Variants in ITCH observed in about 807,000 individuals in gnomAD.
ITCH encodes itchy E3 ubiquitin protein ligase.
Under a neutral mutation model 126.8 loss-of-function variants are expected in ITCH, and 28 were observed. The ratio of observed to expected loss-of-function variants is 0.22; its 90% CI spans 0.16 to 0.30. The LOEUF is 0.30. ITCH is among the 10% of genes least tolerant of loss of function. ITCH has a pLI of 1.00. For synonymous variants in ITCH, 342 were observed against 340.0 expected (o/e 1.01, Z -0.06); for missense variants, 631 against 1,032.4 (o/e 0.61, Z 5.33).
intron 16 of ITCH, among the ~76,000 whole-genome samples, chr20:34,473,493 C>A (rs779498167): frequency 2.0e-5 from 3 of 152,210 alleles, no homozygotes; most frequent in Non-Finnish European, 4.4e-5. Flanking sequence ...GGCTGTGCGA[C>A]CTGTCAGCCT....
At chr20:34,471,706 G>A (rs1193267679) in intron 16 of ITCH, among the ~76,000 whole-genome samples, 191 bp downstream of exon 16, 1 of 149,030 alleles carries the variant, frequency 6.7e-6, no homozygotes, top group African/African-American at 2.5e-5. Flanking sequence ...GTGTGTGTGT[G>A]TGTGTGTGTT....
At chr20:34,458,343 G>A (rs1986213502) in intron 13 of ITCH, among the ~76,000 whole-genome samples, 2 of 152,096 alleles carry the variant, frequency 1.3e-5, no homozygotes, top group South Asian at 2.1e-4. Context: ...AGAGATATAT[G>A]TACATTATCA....
intron 15 of ITCH, 22 bp downstream of exon 15, chr20:34,470,142 C>T: frequency 6.4e-7 from 1 of 1,566,162 alleles, no homozygotes; most frequent in Non-Finnish European, 8.7e-7. Flanking sequence ...AACTGTATCT[C>T]TGTACTGCCT....
chr20:34,501,493 G>A (rs2146554220), intron 23 of ITCH, among the ~76,000 whole-genome samples: 1 of 152,270 alleles, frequency 6.6e-6, no homozygotes, highest in South Asian at 2.1e-4. Context: ...AGTACTGGAA[G>A]GGCTGAGTGC....
At position 34,430,635 on chromosome 20, in the gene ITCH, G is replaced by A. The variant is rs1982161060; in HGVS notation, c.521+6110G>A. On this transcript the variant is annotated intron_variant, in intron 7 of 24. Coordinates refer to ENST00000374864, the MANE Select transcript of ITCH (RefSeq NM_031483.7). Reference sequence around the variant, plus strand: ...TTACATGCGTGCACCACTAGACTTGGCTAATTTTTTGTATTTTTAGTAGAG... The same window carrying A: ...TTACATGCGTGCACCACTAGACTTGACTAATTTTTTGTATTTTTAGTAGAG... 2.0e-5 allele frequency among the ~76,000 whole-genome samples: 3 copies of A among 152,158 alleles called. No homozygotes were observed. In the South Asian group the frequency reaches 6.2e-4, roughly 32 times the overall value.
chr20:34,446,142 T>C (rs117234544), intron 11 of ITCH, among the ~76,000 whole-genome samples: 1 of 152,200 alleles, frequency 6.6e-6, no homozygotes. Flanking sequence ...TCATACAGTA[T>C]CATTGATCTT....
At position 34,466,901 on chromosome 20, in the gene ITCH, A is replaced by T. The variant is rs377745181; in HGVS notation, c.1425-3147A>T. Among the ~76,000 whole-genome samples, 20 of 152,338 alleles carry T rather than the reference A, an allele frequency of 1.3e-4. No individual in the cohort carries two copies. The East Asian group carries it at 3.1e-3, about 23-fold the overall frequency. On this transcript the variant is annotated intron_variant, in intron 14 of 24. Transcript: ENST00000374864. The stretch of plus-strand genomic sequence containing the variant: ...AGATGCTAGAAAAAGGCAAGTTATT[A>T]AACCTAAAGTAAGTACAAGAAAGGA...
intron 2 of ITCH, among the ~76,000 whole-genome samples, chr20:34,378,524 A>G (rs1272362549): frequency 6.7e-6 from 1 of 149,002 alleles, no homozygotes; most frequent in Non-Finnish European, 1.5e-5. Context: ...AATATCTGAG[A>G]TATAGCAAAG....
chr20:34,393,265 T>G (rs2038551041), intron 2 of ITCH, among the ~76,000 whole-genome samples: 1 of 152,140 alleles, frequency 6.6e-6, no homozygotes, highest in Non-Finnish European at 1.5e-5. Context: ...ATCCAGCACT[T>G]TGGGAAGTCA....
chr20:34,443,685 G>A lies in ITCH; in HGVS notation c.965+1382G>A, dbSNP rs975043168. Among the ~76,000 whole-genome samples, 58 of 152,056 alleles carry A rather than the reference G, an allele frequency of 3.8e-4. 1 individual carries two copies. The highest frequency in any genetic ancestry group is 1.2e-3 in the African/African-American group (49 of 41,370). Reference sequence around the variant, plus strand: ...ATCAAGTGTTGGTGAGGAACTTTACGTTGTTAGTTGCTGCCGGGGCTGGGC... The same window carrying A: ...ATCAAGTGTTGGTGAGGAACTTTACATTGTTAGTTGCTGCCGGGGCTGGGC... On this transcript the variant is annotated intron_variant, in intron 10 of 24. Coordinates refer to ENST00000374864, the MANE Select transcript of ITCH (RefSeq NM_031483.7).
chr20:34,504,203 T>A (rs1990474040), intron 23 of ITCH, 128 bp from the exon 24 acceptor site: 1 of 738,944 alleles, frequency 1.4e-6, no homozygotes, highest in South Asian at 1.5e-5. Context: ...ATTAGTAAGA[T>A]GATGTGTGGG....
intron 12 of ITCH, among the ~76,000 whole-genome samples, chr20:34,456,159 TGTG>T (rs1450487559): frequency 3.3e-5 from 1 of 30,562 alleles, no homozygotes; most frequent in Non-Finnish European, 5.7e-5. Flanking sequence ...TTTTATATAT[TGTG>T]TGTGTGTGTG....
intron 1 of ITCH, among the ~76,000 whole-genome samples, chr20:34,367,603 A>G (rs1024610967): frequency 6.6e-6 from 1 of 152,186 alleles, no homozygotes; most frequent in Non-Finnish European, 1.5e-5. Flanking sequence ...GAGAAATTGT[A>G]TTATGGTTGA....
rs376040630 is a variant in ITCH, at chr20:34,427,483, G to A, written c.521+2958G>A. ...AAACGGTAGTTAGGCCTGGTGGCAC[G>A]TGCCTGTAGTCCCAGCTGTTGGAGT... is the stretch of plus-strand genomic sequence containing the variant. On this transcript the variant is annotated intron_variant, in intron 7 of 24. Transcript: ENST00000374864. 3.9e-5 allele frequency among the ~76,000 whole-genome samples: 6 copies of A among 152,042 alleles called. 1 individual carries two copies. In the South Asian group the frequency reaches 1.0e-3, roughly 26 times the overall value.
At chr20:34,377,585 T>C (rs774502426) in intron 2 of ITCH, among the ~76,000 whole-genome samples, 22 of 151,498 alleles carry the variant, frequency 1.5e-4, no homozygotes, top group Non-Finnish European at 2.8e-4. Context: ...CTGATATGGC[T>C]GGGCGCGGTG....
chr20:34,384,754 G>A (rs1196162223), intron 2 of ITCH, among the ~76,000 whole-genome samples: 6 of 149,918 alleles, frequency 4.0e-5, no homozygotes, highest in East Asian at 2.0e-4. Flanking sequence ...TCTGCCTCCC[G>A]GGTTCTTGCC....
At chr20:34,442,355 T>C (rs533558233) in intron 10 of ITCH, 52 bp downstream of exon 10, 2 of 1,239,888 alleles carry the variant, frequency 1.6e-6, no homozygotes, top group South Asian at 2.4e-5. Context: ...AATTGTGGAT[T>C]ACAACTGTAT....
At chr20:34,370,119 A>G (rs974930466) in intron 2 of ITCH, among the ~76,000 whole-genome samples, 10 of 151,830 alleles carry the variant, frequency 6.6e-5, no homozygotes, top group Non-Finnish European at 1.0e-4. Context: ...AAAAAAAAAA[A>G]AAAGACAACA....
At chr20:34,370,770 G>A (rs1442073150) in intron 2 of ITCH, among the ~76,000 whole-genome samples, 2 of 152,028 alleles carry the variant, frequency 1.3e-5, no homozygotes, top group African/African-American at 4.8e-5. Flanking sequence ...ACTTTAAAAG[G>A]TCAGGAGAGA....
Sources: gnomAD v4.1 joint callset for allele counts (sites outside exome capture counted in the v4.1 genomes callset) on GRCh38, gnomAD v4.1.1 for gene constraint, MANE v1.5 for transcripts, NCBI Gene and HGNC (gene_info 2026-07-23, HGNC 2026-07-21) for gene names.